The following CDH12 variants were observed in gnomAD, a reference collection of about 807,000 sequenced individuals.
The protein encoded by CDH12 is cadherin 12.
CDH12 carries 41 observed loss-of-function variants against 74.1 expected under a neutral mutation model. The ratio of observed to expected loss-of-function variants is 0.55; its 90% confidence interval spans 0.43 to 0.72. CDH12 has a LOEUF of 0.72. Ranked by LOEUF, CDH12 falls within the 30% of genes least tolerant of loss-of-function variation. The pLI, the probability that CDH12 is intolerant of heterozygous loss-of-function variation, is 0.00. For synonymous variants in CDH12, 399 were observed against 355.0 expected (o/e 1.12, Z -1.39); for missense variants, 945 against 977.2 (o/e 0.97, Z 0.44).
At chr5:22,753,758 G>T (rs1745731106) in intron 1 of CDH12, among the ~76,000 whole-genome samples, 1 of 151,692 alleles carries the variant, frequency 6.6e-6, no homozygotes, top group African/African-American at 2.4e-5. Context: ...TTGGGCAGAA[G>T]ATACACACTT....
rs186102401 is a variant in CDH12 at position 22,149,708 on chromosome 5, A to G, written c.-187+62790T>C. Among the ~76,000 whole-genome samples, 969 of 152,266 alleles carry G rather than the reference A, an allele frequency of 6.4e-3. 7 individuals are homozygous for G. The highest frequency in any genetic ancestry group is 0.022 in the African/African-American group (927 of 41,554). On this transcript the variant is annotated intron_variant, in intron 4 of 14. Coordinates refer to ENST00000382254, the MANE Select transcript of CDH12 (RefSeq NM_004061.5). ...AGAAAAACTTTGACTCATGTTTAAA[A>G]TATTTCACTTGCCTTGGCCTCCCAA...
chr5:22,425,778 A>C (rs1743905627), intron 2 of CDH12, among the ~76,000 whole-genome samples: 1 of 152,280 alleles, frequency 6.6e-6, no homozygotes, highest in African/African-American at 2.4e-5. Context: ...TCATTTAGCA[A>C]TTACATAAAA....
intron 1 of CDH12, among the ~76,000 whole-genome samples, chr5:22,649,743 T>C (rs1739632950): frequency 6.6e-6 from 1 of 151,932 alleles, no homozygotes. Context: ...CTATAATCGC[T>C]TCAGAAAAGC....
In CDH12 at chr5:21,801,007, T is replaced by G. The variant is rs149490267; in HGVS notation, c.1256+1160A>C. Among the ~76,000 whole-genome samples, 618 of 152,318 alleles carry G rather than the reference T, an allele frequency of 4.1e-3. 3 individuals are homozygous for G. Among genetic ancestry groups the G allele is most frequent in the Admixed American group, 6.2e-3 (95 of 15,302 alleles). ...TACCCAGTCTCAGGGTGGTTCTTTATAGTAGTGTGAAAACGAACTAATACA... is the reference window on the plus strand; with the variant it reads ...TACCCAGTCTCAGGGTGGTTCTTTAGAGTAGTGTGAAAACGAACTAATACA... On this transcript the variant is annotated intron_variant, in intron 10 of 14. Transcript: ENST00000382254.
intron 6 of CDH12, among the ~76,000 whole-genome samples, chr5:21,919,895 G>C (rs548739779): frequency 6.6e-6 from 1 of 152,016 alleles, no homozygotes; most frequent in Non-Finnish European, 1.5e-5. Context: ...AAATATTTAA[G>C]AAAAGAAAAA....
At chr5:21,998,593 A>G (rs1736430135) in intron 5 of CDH12, among the ~76,000 whole-genome samples, 1 of 152,158 alleles carries the variant, frequency 6.6e-6, no homozygotes, top group Admixed American at 6.6e-5. Context: ...TATCAGAAAA[A>G]TCAGCCTTCT....
intron 3 of CDH12, among the ~76,000 whole-genome samples, chr5:22,322,463 T>C (rs2150438195): frequency 6.6e-6 from 1 of 152,274 alleles, no homozygotes; most frequent in Non-Finnish European, 1.5e-5. Flanking sequence ...AAATACTTTA[T>C]ATCATTATTT....
chr5:22,451,097 A>G (rs1057146328), intron 2 of CDH12, among the ~76,000 whole-genome samples: 1 of 151,778 alleles, frequency 6.6e-6, no homozygotes, highest in Non-Finnish European at 1.5e-5. Flanking sequence ...TATGCATTGC[A>G]CTTACTACTA....
At chr5:22,397,838 C>T (rs1186309347) in intron 3 of CDH12, among the ~76,000 whole-genome samples, 1 of 151,908 alleles carries the variant, frequency 6.6e-6, no homozygotes, top group Non-Finnish European at 1.5e-5. Flanking sequence ...ATGATTGATG[C>T]CCTTATAAGT....
intron 4 of CDH12, among the ~76,000 whole-genome samples, chr5:22,187,131 A>G (rs1274289918): frequency 6.6e-6 from 1 of 152,212 alleles, no homozygotes; most frequent in Non-Finnish European, 1.5e-5. Context: ...GTGGTTTGCA[A>G]CTGATTGCTC....
chr5:21,917,589 G>A (rs1372449122), intron 6 of CDH12, among the ~76,000 whole-genome samples: 2 of 152,112 alleles, frequency 1.3e-5, no homozygotes, highest in Non-Finnish European at 2.9e-5. Context: ...CGAGTCTAGT[G>A]TATCTTTATT....
At chr5:22,445,180 A>C (rs1744773883) in intron 2 of CDH12, among the ~76,000 whole-genome samples, 1 of 152,116 alleles carries the variant, frequency 6.6e-6, no homozygotes, top group Non-Finnish European at 1.5e-5. Context: ...TATAGGAAAC[A>C]CAAAGAACTG....
intron 3 of CDH12, among the ~76,000 whole-genome samples, chr5:22,327,008 A>C (rs1739138911): frequency 6.6e-6 from 1 of 152,192 alleles, no homozygotes; most frequent in African/African-American, 2.4e-5. Flanking sequence ...AAAATAATAA[A>C]TTTGGGGGAT....
At chr5:22,426,849 A>C (rs1743959741) in intron 2 of CDH12, among the ~76,000 whole-genome samples, 1 of 152,154 alleles carries the variant, frequency 6.6e-6, no homozygotes, top group Non-Finnish European at 1.5e-5. Flanking sequence ...TTGATGTTTT[A>C]CCTGATGCAT....
intron 3 of CDH12, among the ~76,000 whole-genome samples, chr5:22,331,590 G>C (rs1392009974): frequency 6.6e-6 from 1 of 152,132 alleles, no homozygotes; most frequent in Non-Finnish European, 1.5e-5. Context: ...AGGATGTAAA[G>C]ACCAGATATT....
At chr5:22,243,075 A>G in intron 3 of CDH12, among the ~76,000 whole-genome samples, 1 of 152,092 alleles carries the variant, frequency 6.6e-6, no homozygotes, top group Non-Finnish European at 1.5e-5. Flanking sequence ...AAGCTTTCCA[A>G]AATCCTCCCC....
At chr5:22,056,378 A>G (rs532741131) in intron 5 of CDH12, among the ~76,000 whole-genome samples, 1 of 152,296 alleles carries the variant, frequency 6.6e-6, no homozygotes, top group African/African-American at 2.4e-5. Context: ...AATGAATTCT[A>G]GTAATTTTTC....
intron 1 of CDH12, among the ~76,000 whole-genome samples, chr5:22,508,396 C>T (rs1488432539): frequency 3.3e-5 from 5 of 152,124 alleles, no homozygotes; most frequent in Admixed American, 3.3e-4. Context: ...TATTTTACCC[C>T]AAAACATGTT....
intron 1 of CDH12, among the ~76,000 whole-genome samples, chr5:22,766,903 G>A (rs569117505): frequency 1.2e-4 from 19 of 152,010 alleles, no homozygotes; most frequent in Admixed American, 9.9e-4. Flanking sequence ...GCAGATTTTC[G>A]TATTGGCAGG....
Sources: allele counts gnomAD v4.1 joint callset (sites outside exome capture counted in the v4.1 genomes callset), GRCh38; gene constraint gnomAD v4.1.1; transcripts MANE v1.5; gene names NCBI Gene and HGNC (gene_info 2026-07-23, HGNC 2026-07-21).